ATXN1: variants seen among roughly 807,000 people sequenced by gnomAD.
ATXN1 encodes the protein ataxin-1.
In ATXN1, 8 loss-of-function variants were observed where a neutral mutation model predicts 56.4. The observed-to-expected ratio is 0.14, with a 90% CI of 0.08 to 0.26. The LOEUF (loss-of-function observed/expected upper bound fraction) is 0.26, where lower values mean the gene tolerates loss of function less well. Among genes scored for constraint, ATXN1 ranks in the 10% least tolerant of loss-of-function variants. ATXN1 has a pLI of 1.00. For missense variants in ATXN1, 987 were observed against 1,106.5 expected (o/e 0.89, Z 1.53); for synonymous variants, 514 against 494.6 (o/e 1.04, Z -0.52).
At position 16,374,054 on chromosome 6, in the gene ATXN1, C is replaced by T. The variant is rs145283995; in HGVS notation, c.-160-45584G>A. On this transcript the variant is annotated intron_variant, in intron 6 of 7. Transcript: ENST00000436367. ...CAGGTGATAATACATTGTAATGACACTCTAAAAATGTAGTAATCACTCAAT... is the reference window on the plus strand; with the variant it reads ...CAGGTGATAATACATTGTAATGACATTCTAAAAATGTAGTAATCACTCAAT... Among the ~76,000 whole-genome samples, 294 of 150,738 alleles carry T rather than the reference C, an allele frequency of 2.0e-3. 2 individuals carry two copies. Among genetic ancestry groups the T allele is most frequent in the Middle Eastern group, 3.4e-3 (1 of 292 alleles).
At chr6:16,425,892 T>C (rs778637508) in intron 6 of ATXN1, among the ~76,000 whole-genome samples, 25 of 152,068 alleles carry the variant, frequency 1.6e-4, no homozygotes, top group African/African-American at 6.0e-4. Flanking sequence ...ACAAACAAAG[T>C]GTGCACCCTA....
At chr6:16,313,413 C>T (rs1465490567) in intron 7 of ATXN1, among the ~76,000 whole-genome samples, 1 of 152,144 alleles carries the variant, frequency 6.6e-6, no homozygotes, top group African/African-American at 2.4e-5. Flanking sequence ...CCAAACCAAA[C>T]TCCAAATCTC....
At position 16,544,327 on chromosome 6, in the gene ATXN1, C is replaced by T. The variant is rs79555374; in HGVS notation, c.-360-21639G>A. Among the ~76,000 whole-genome samples the T allele has an allele frequency of 7.0e-3, 1,068 of 152,332 alleles. 11 individuals carry two copies. The highest frequency in any genetic ancestry group is 0.024 in the Middle Eastern group (7 of 294). The stretch of plus-strand genomic sequence containing the variant: ...CCAAGTTGTGGCGCAGGATCACACA[C>T]AAGTTGGGGCTCTGCTTGGGGGACT... On this transcript the variant is annotated intron_variant, in intron 4 of 7. Transcript: ENST00000436367.
intron 4 of ATXN1, among the ~76,000 whole-genome samples, chr6:16,570,233 T>G (rs1220214949): frequency 6.6e-6 from 1 of 152,144 alleles, no homozygotes; most frequent in African/African-American, 2.4e-5. Flanking sequence ...ATACTTCAAG[T>G]TTTTATAGGT....
At chr6:16,417,441 A>ATTTT (rs1188606545) in intron 6 of ATXN1, among the ~76,000 whole-genome samples, 5 of 136,488 alleles carry the variant, frequency 3.7e-5, no homozygotes, top group Non-Finnish European at 6.5e-5. Flanking sequence ...CAAGTTTCTT[A>ATTTT]TTTTTTTTTT....
At chr6:16,358,010 G>A (rs1375618609) in intron 6 of ATXN1, among the ~76,000 whole-genome samples, 4 of 152,224 alleles carry the variant, frequency 2.6e-5, no homozygotes, top group African/African-American at 9.7e-5. Flanking sequence ...AGCAGCACCA[G>A]TACCCGGGAG....
At chr6:16,464,287 G>A (rs767943906) in intron 6 of ATXN1, among the ~76,000 whole-genome samples, 1 of 152,198 alleles carries the variant, frequency 6.6e-6, no homozygotes, top group African/African-American at 2.4e-5. Flanking sequence ...GCACCAATTA[G>A]TGCTCTGTAA....
chr6:16,555,530 G>A (rs888011370), intron 4 of ATXN1, among the ~76,000 whole-genome samples: 1 of 152,136 alleles, frequency 6.6e-6, no homozygotes, highest in African/African-American at 2.4e-5. Flanking sequence ...CACCCACCCA[G>A]AGCCCAGTGG....
rs543003828 is a variant in ATXN1 at position 16,541,425 on chromosome 6, T to G, written c.-360-18737A>C. Among the ~76,000 whole-genome samples the G allele has an allele frequency of 8.7e-4, 132 of 152,354 alleles. 1 individual carries two copies. The highest frequency in any genetic ancestry group is 3.0e-3 in the African/African-American group (125 of 41,576). ...GAGCGTCTCTTTCTGTTTCTTTCTT[T>G]GGAGCTCTTCTGTATTTGTTCCTTT... On this transcript the variant is annotated intron_variant, in intron 4 of 7. Transcript: ENST00000436367.
chr6:16,577,045 G>C (rs1292272363), intron 4 of ATXN1, among the ~76,000 whole-genome samples: 1 of 152,156 alleles, frequency 6.6e-6, no homozygotes, highest in East Asian at 1.9e-4. Flanking sequence ...GTGCTTCACT[G>C]TCTCCGTTTC....
intron 6 of ATXN1, among the ~76,000 whole-genome samples, chr6:16,393,681 C>CAA (rs1226479237): frequency 4.6e-5 from 7 of 152,200 alleles, no homozygotes; most frequent in African/African-American, 1.7e-4. Context: ...TGTTCGGAAA[C>CAA]ACAAAATGCA....
chr6:16,761,331 G>A lies in ATXN1; in HGVS notation c.-763C>T, dbSNP rs1266826148. 2.6e-5 allele frequency: 12 copies of A among 456,276 alleles called. No homozygotes were observed. Among genetic ancestry groups the A allele is most frequent in the Non-Finnish European group, 4.0e-5 (9 of 226,860 alleles). The allele number at this position is 456,276 out of a possible 1,614,324, so 28.3% of individuals were successfully genotyped here. ...GTAAATGGATCTGGGGTTGCGTGGG[G>A]AAGGGGGGGCAGAGGGAGAGAAACA... On this transcript the variant is annotated 5_prime_UTR_variant, in exon 1 of 8. Transcript: ENST00000436367.
At chr6:16,628,974 G>A (rs1763456278) in intron 3 of ATXN1, among the ~76,000 whole-genome samples, 1 of 152,120 alleles carries the variant, frequency 6.6e-6, no homozygotes, top group Non-Finnish European at 1.5e-5. Context: ...ATATTCCTCT[G>A]GGTAGATACC....
chr6:16,596,831 G>A (rs894122523), intron 3 of ATXN1, among the ~76,000 whole-genome samples: 2 of 152,164 alleles, frequency 1.3e-5, no homozygotes, highest in African/African-American at 4.8e-5. Context: ...GCCTTCCACC[G>A]ACAGGCACAG....
intron 2 of ATXN1, among the ~76,000 whole-genome samples, chr6:16,748,999 A>C (rs1458466401): frequency 6.6e-6 from 1 of 152,186 alleles, no homozygotes; most frequent in Non-Finnish European, 1.5e-5. Flanking sequence ...CCCAAGATTC[A>C]CCAATTCTAT....
chr6:16,752,803 T>G (rs1318315038), intron 2 of ATXN1, among the ~76,000 whole-genome samples: 1 of 152,198 alleles, frequency 6.6e-6, no homozygotes, highest in African/African-American at 2.4e-5. Flanking sequence ...AATTCAAGAT[T>G]CAACAAATAC....
intron 6 of ATXN1, among the ~76,000 whole-genome samples, chr6:16,355,656 G>C (rs987666433): frequency 2.0e-5 from 3 of 152,044 alleles, no homozygotes; most frequent in Admixed American, 2.0e-4. Flanking sequence ...CTGCCTCCCA[G>C]GTTCAAACAA....
At chr6:16,597,957 G>A (rs1173277187) in intron 3 of ATXN1, among the ~76,000 whole-genome samples, 3 of 152,044 alleles carry the variant, frequency 2.0e-5, no homozygotes, top group Non-Finnish European at 2.9e-5. Context: ...AGCTGAGTCT[G>A]CCATTAAGAA....
intron 3 of ATXN1, among the ~76,000 whole-genome samples, chr6:16,654,346 C>A (rs1352235531): frequency 6.6e-6 from 1 of 152,062 alleles, no homozygotes; most frequent in Non-Finnish European, 1.5e-5. Flanking sequence ...GAGATCAAGA[C>A]CATCCTGGCC....
Sources: gnomAD v4.1 joint callset for allele counts (sites outside exome capture counted in the v4.1 genomes callset) on GRCh38, gnomAD v4.1.1 for gene constraint, MANE v1.5 for transcripts, NCBI Gene and HGNC (gene_info 2026-07-23, HGNC 2026-07-21) for gene names.